Variants in PIP5K1C observed in about 807,000 individuals in gnomAD.
PIP5K1C encodes phosphatidylinositol 4-phosphate 5-kinase type-1 gamma.
Under a neutral mutation model 80.1 loss-of-function variants are expected in PIP5K1C, and 45 were observed. The observed-to-expected ratio is 0.56, with a 90% CI of 0.44 to 0.72. The LOEUF (loss-of-function observed/expected upper bound fraction) is 0.72, where lower values mean the gene tolerates loss of function less well. Among genes scored for constraint, PIP5K1C ranks in the 30% least tolerant of loss-of-function variants. The probability of loss-of-function intolerance (pLI) is 0.00; values close to 1 mark genes in which losing one functional copy is unlikely to be tolerated. For synonymous variants in PIP5K1C, 498 were observed against 420.1 expected (o/e 1.19, Z -2.27); for missense variants, 753 against 954.6 (o/e 0.79, Z 2.78).
chr19:3,673,669 C>A (rs1406040989), intron 1 of PIP5K1C: 1 of 152,292 alleles, frequency 6.6e-6, no homozygotes, highest in Non-Finnish European at 1.5e-5. Flanking sequence ...AGGAAGCAAC[C>A]CCGGGCCAGA....
intron 2 of PIP5K1C, among the ~76,000 whole-genome samples, chr19:3,667,010 A>G (rs1434596289): frequency 5.1e-5 from 1 of 19,482 alleles, no homozygotes; most frequent in Non-Finnish European, 1.0e-4. Context: ...CCCACCCCCC[A>G]GAATCCAGGC....
intron 13 of PIP5K1C, 151 bp from the exon 14 acceptor site, chr19:3,643,090 C>T (rs891479598): frequency 3.4e-6 from 5 of 1,458,370 alleles, no homozygotes; most frequent in African/African-American, 2.8e-5. Context: ...GGATGCTCCG[C>T]CCCCGCGCAC....
Position 3,692,371 on chromosome 19 carries a change from G to A in PIP5K1C, c.94+7926C>T, listed in dbSNP as rs895888351. On this transcript the variant is annotated intron_variant, in intron 1 of 17. Transcript: ENST00000335312. The surrounding 1 kb of genome is among the most constrained non-coding windows in gnomAD (Gnocchi z 5.2). Reference sequence around the variant, plus strand: ...TACAGGGGCTCCTGGGGCCTCCCTCGCAGCTCGGCCATGCTGGGCCCCGGC... The same window carrying A: ...TACAGGGGCTCCTGGGGCCTCCCTCACAGCTCGGCCATGCTGGGCCCCGGC... Among the ~76,000 whole-genome samples, 14 of 152,096 alleles carry A rather than the reference G, an allele frequency of 9.2e-5. No individual in the cohort carries two copies. The highest frequency in any genetic ancestry group is 2.9e-4 in the African/African-American group (12 of 41,402).
At chr19:3,693,692 G>C (rs902617504) in intron 1 of PIP5K1C, among the ~76,000 whole-genome samples, 9 of 148,952 alleles carry the variant, frequency 6.0e-5, no homozygotes, top group Non-Finnish European at 1.2e-4. Context: ...GACCCAGGTC[G>C]TGCAGCTTCC....
rs778345965 is a variant in PIP5K1C at position 3,644,146 on chromosome 19, C to T, written c.1451G>A (p.Arg484Gln). ...CCGCAGGTCGTACTGGGCCTCCTCC[C>T]GCTCGCTAGGGATCTGGCTGGCCGA... is the stretch of plus-strand genomic sequence containing the variant. ...AFSASQIPSE[R>Q]EEAQYDLRGA... The change falls in exon 12 of 18, where the codon CGG (arginine) becomes CAG (glutamine). Residue 484 changes from arginine (R) to glutamine (Q), a missense_variant. Arg to Gln is a conservative substitution (Grantham distance 43). This residue lies in a region of PIP5K1C where 315 missense variants were observed against 294.5 expected (regional missense o/e 1.07). Coordinates refer to ENST00000335312, the MANE Select transcript of PIP5K1C (RefSeq NM_012398.3). 3.3e-5 allele frequency: 54 copies of T among 1,611,980 alleles called. No homozygotes were observed. In the East Asian group the frequency reaches 6.0e-4, roughly 18 times the overall value.
intron 1 of PIP5K1C, among the ~76,000 whole-genome samples, chr19:3,690,046 C>T (rs1218374711): frequency 1.3e-5 from 2 of 151,990 alleles, no homozygotes; most frequent in Non-Finnish European, 2.9e-5. Context: ...CAGTCATTAT[C>T]TCCACAGAGA....
intron 1 of PIP5K1C, among the ~76,000 whole-genome samples, chr19:3,694,751 G>T (rs2036049490): frequency 6.6e-6 from 1 of 152,228 alleles, no homozygotes; most frequent in African/African-American, 2.4e-5. Context: ...CATCGCCTGA[G>T]CCACAGCCCA....
intron 10 of PIP5K1C, 148 bp downstream of exon 10, chr19:3,647,190 A>G (rs1487870762): frequency 5.2e-6 from 3 of 575,500 alleles, no homozygotes; most frequent in Non-Finnish European, 8.8e-6. Context: ...AGGAGGGTGC[A>G]GGCACTCACA....
intron 15 of PIP5K1C, among the ~76,000 whole-genome samples, chr19:3,639,463 G>C (rs1161878405): frequency 6.6e-6 from 1 of 152,140 alleles, no homozygotes; most frequent in Non-Finnish European, 1.5e-5. Flanking sequence ...ACAGGCCCTG[G>C]CTCCATCAGC....
chr19:3,641,785 T>C lies in PIP5K1C; in HGVS notation c.1707A>G (p.Glu569=). ...DGRPQEEPPA[E]EDLQQITVQV... ...GCACTGTAATCTGCTGCAGATCCTC[T>C]TCCGCGGGTGGCTCCTCCTGCGGCC... is the stretch of plus-strand genomic sequence containing the variant. The change falls in exon 15 of 18, where the codon GAA becomes GAG. Residue 569 remains glutamate (E), a synonymous_variant. Coordinates refer to ENST00000335312, the MANE Select transcript of PIP5K1C (RefSeq NM_012398.3). The C allele has an allele frequency of 1.2e-6, 2 of 1,612,100 alleles. No individual in the cohort carries two copies. Among genetic ancestry groups the C allele is most frequent in the South Asian group, 1.1e-5 (1 of 91,080 alleles).
intron 1 of PIP5K1C, among the ~76,000 whole-genome samples, chr19:3,684,344 T>G (rs1357795397): frequency 6.6e-6 from 1 of 152,186 alleles, no homozygotes; most frequent in African/African-American, 2.4e-5. Context: ...ACCTGCTGCC[T>G]GCCAGGGTCC....
At position 3,651,806 on chromosome 19, in the gene PIP5K1C, G is replaced by A. The variant is rs2034461115; in HGVS notation, c.1127+20C>T. On this transcript the variant is annotated intron_variant, in intron 8 of 17. Transcript: ENST00000335312. ...GGGGAAGGGAAGCGGGACGGGTCCG[G>A]CGGCCCCCCGCCCACCTACGTGTCA... is the stretch of plus-strand genomic sequence containing the variant. 1.9e-6 allele frequency: 3 copies of A among 1,607,232 alleles called. No individual in the cohort carries two copies. Among genetic ancestry groups the A allele is most frequent in the Non-Finnish European group, 1.7e-6 (2 of 1,176,866 alleles).
intron 9 of PIP5K1C, among the ~76,000 whole-genome samples, chr19:3,647,866 C>T (rs754312191): frequency 1.7e-4 from 26 of 152,138 alleles, no homozygotes; most frequent in Non-Finnish European, 2.9e-4. Context: ...AGAATAGGGT[C>T]GACTCAGAAG....
chr19:3,668,324 CCT>C (rs1277522854), intron 1 of PIP5K1C: 1 of 152,170 alleles, frequency 6.6e-6, no homozygotes, highest in East Asian at 1.9e-4. Flanking sequence ...GATTACAGGC[CCT>C]GAGACCGACG....
At chr19:3,675,302 C>T (rs1305367282) in intron 1 of PIP5K1C, among the ~76,000 whole-genome samples, 3 of 152,168 alleles carry the variant, frequency 2.0e-5, no homozygotes, top group Admixed American at 2.0e-4. Flanking sequence ...GTTGCAAAAG[C>T]ATTGCCCAGT....
At position 3,661,023 on chromosome 19, in the gene PIP5K1C, T is replaced by C; in HGVS notation, c.411A>G (p.Ala137=). ...HFQDFRFKTY[A]PVAFRYFREL... ...CCCGGAAGTAGCGGAAGGCGACAGG[T>C]GCATAGGTCTTGAAGCGGAAGTCCT... The change falls in exon 5 of 18, where the codon GCA becomes GCG. Residue 137 remains alanine (A), a synonymous_variant. Coordinates refer to ENST00000335312, the MANE Select transcript of PIP5K1C (RefSeq NM_012398.3). The C allele has an allele frequency of 3.7e-6, 6 of 1,613,790 alleles. No individual in the cohort carries two copies. Among genetic ancestry groups the C allele is most frequent in the Non-Finnish European group, 5.1e-6 (6 of 1,179,934 alleles).
intron 7 of PIP5K1C, among the ~76,000 whole-genome samples, chr19:3,652,279 C>A (rs2034480799): frequency 1.3e-5 from 2 of 152,240 alleles, no homozygotes; most frequent in Non-Finnish European, 2.9e-5. Flanking sequence ...CTGCCCCGGG[C>A]ACTGAGACAG....
At chr19:3,699,704 G>A (rs1309382132) in intron 1 of PIP5K1C, among the ~76,000 whole-genome samples, 3 of 152,180 alleles carry the variant, frequency 2.0e-5, no homozygotes, top group South Asian at 2.1e-4. Flanking sequence ...GCATGAGACA[G>A]CCGTGCCCCC....
intron 1 of PIP5K1C, among the ~76,000 whole-genome samples, chr19:3,670,167 C>T (rs1382292102): frequency 6.6e-5 from 10 of 152,050 alleles, no homozygotes; most frequent in Non-Finnish European, 5.9e-5. Flanking sequence ...GCATTCGAGA[C>T]GCTGGTGGGC....
Sources: allele counts gnomAD v4.1 joint callset (sites outside exome capture counted in the v4.1 genomes callset), GRCh38; gene constraint gnomAD v4.1.1; regional missense constraint gnomAD v4.1.1; non-coding constraint Gnocchi (gnomAD v3.1); transcripts MANE v1.5; gene names NCBI Gene and HGNC (gene_info 2026-07-23, HGNC 2026-07-21).